The following CGGBP1 variants were observed in gnomAD, a reference collection of about 807,000 sequenced individuals.
CGGBP1 encodes CGG triplet repeat binding protein 1.
A neutral mutation model predicts 11.4 loss-of-function variants in CGGBP1; 4 were observed. The observed-to-expected ratio is 0.35, with a 90% CI of 0.17 to 0.80. The LOEUF is 0.80. CGGBP1 is among the 30% of genes least tolerant of loss of function. The probability of loss-of-function intolerance (pLI) is 0.52; values close to 1 mark genes in which losing one functional copy is unlikely to be tolerated. For missense variants in CGGBP1, 135 were observed against 202.1 expected (o/e 0.67, Z 2.01); for synonymous variants, 76 against 74.1 (o/e 1.03, Z -0.13).
At chr3:88,111,882 C>G (rs79690485) in intron 2 of CGGBP1, among the ~76,000 whole-genome samples, 2,013 of 151,932 alleles carry the variant, frequency 0.013, 37 homozygotes, top group African/African-American at 0.045. Flanking sequence ...GGCATTTAAT[C>G]TTTATAATTT....
chr3:88,133,151 C>T (rs114992491), intron 2 of CGGBP1, among the ~76,000 whole-genome samples: 1,649 of 152,180 alleles, frequency 0.011, 18 homozygotes, highest in African/African-American at 0.038. Context: ...ATCACTTTCC[C>T]GCCCCTGAAT....
chr3:88,135,230 TTTAAAA>T (rs1293509254), intron 2 of CGGBP1: 15 of 1,395,678 alleles, frequency 1.1e-5, no homozygotes, highest in Non-Finnish European at 1.2e-5. Flanking sequence ...GTCCCTTAAA[TTTAAAA>T]TTGAGTGACA....
At chr3:88,115,124 G>A (rs938551890) in intron 2 of CGGBP1, among the ~76,000 whole-genome samples, 4 of 152,138 alleles carry the variant, frequency 2.6e-5, no homozygotes, top group Non-Finnish European at 4.4e-5. Context: ...ATCACCTGGG[G>A]ATCTTGTTAA....
At chr3:88,112,826 T>A (rs1443320004) in intron 2 of CGGBP1, among the ~76,000 whole-genome samples, 1 of 152,082 alleles carries the variant, frequency 6.6e-6, no homozygotes, top group African/African-American at 2.4e-5. Context: ...TGTTGTGACC[T>A]TGTATGCCAT....
At chr3:88,141,654 G>GA in intron 1 of CGGBP1, 1 of 1,511,156 alleles carries the variant, frequency 6.6e-7, no homozygotes, top group Non-Finnish European at 9.0e-7. Context: ...GGTGCCTGAT[G>GA]AAAACGGTTC....
At chr3:88,110,279 C>T (rs904773443) in intron 2 of CGGBP1, among the ~76,000 whole-genome samples, 1 of 152,052 alleles carries the variant, frequency 6.6e-6, no homozygotes, top group East Asian at 1.9e-4. Context: ...ACAGCTAGAC[C>T]ATGGGTCTGT....
chr3:88,059,252 G>A, upstream of CGGBP1: 1 of 1,529,178 alleles, frequency 6.5e-7, no homozygotes, highest in Admixed American at 2.0e-5. Context: ...GGAGGAGGAG[G>A]TTAGCCTAGG....
At chr3:88,116,468 C>T (rs373394090) in intron 2 of CGGBP1, among the ~76,000 whole-genome samples, 1 of 151,026 alleles carries the variant, frequency 6.6e-6, no homozygotes, top group African/African-American at 2.4e-5. Context: ...TGCAGTGAGC[C>T]GAGATCACAC....
At chr3:88,093,317 G>A (rs1405308918) in intron 2 of CGGBP1, among the ~76,000 whole-genome samples, 2 of 152,158 alleles carry the variant, frequency 1.3e-5, no homozygotes, top group Admixed American at 1.3e-4. Context: ...GACTTTATAA[G>A]TTTTACATAA....
intron 2 of CGGBP1, chr3:88,140,311 G>A (rs779311075): frequency 2.5e-6 from 4 of 1,613,662 alleles, no homozygotes; most frequent in Non-Finnish European, 2.5e-6. Flanking sequence ...GCACAACCAA[G>A]TGAAACAATT....
chr3:88,123,239 A>G (rs1023613088), intron 2 of CGGBP1, among the ~76,000 whole-genome samples: 22 of 152,104 alleles, frequency 1.4e-4, no homozygotes, highest in Non-Finnish European at 2.5e-4. Flanking sequence ...AAATAGACCA[A>G]AATGAAATCT....
At chr3:88,117,708 C>G (rs1295773421) in intron 2 of CGGBP1, among the ~76,000 whole-genome samples, 1 of 151,960 alleles carries the variant, frequency 6.6e-6, no homozygotes, top group African/African-American at 2.4e-5. Flanking sequence ...AAAGCACACA[C>G]AATAATCTGG....
chr3:88,069,376 G>T (rs9864564), intron 2 of CGGBP1, among the ~76,000 whole-genome samples: 1 of 152,128 alleles, frequency 6.6e-6, no homozygotes, highest in Non-Finnish European at 1.5e-5. Context: ...GAGTCTAGAT[G>T]GCGCCGCTGC....
intron 2 of CGGBP1, chr3:88,086,206 G>T: frequency 1.4e-6 from 2 of 1,472,504 alleles, no homozygotes; most frequent in South Asian, 1.3e-5. Context: ...TTTTAAACTC[G>T]AGATGTTGAG....
chr3:88,099,883 G>C (rs185393686), intron 2 of CGGBP1, among the ~76,000 whole-genome samples: 12 of 152,084 alleles, frequency 7.9e-5, no homozygotes, highest in Admixed American at 3.9e-4. Flanking sequence ...AGAAGAAAAC[G>C]TAGGCAATAC....
At chr3:88,059,268 ACGGCGGCGG>A, upstream of CGGBP1, 1 of 1,531,674 alleles carries the variant, frequency 6.5e-7, no homozygotes, top group Non-Finnish European at 8.7e-7. Flanking sequence ...CTAGGCATCT[ACGGCGGCGG>A]CGGCGGCGCA....
chr3:88,110,541 A>G (rs1303922083), intron 2 of CGGBP1, among the ~76,000 whole-genome samples: 1 of 152,104 alleles, frequency 6.6e-6, no homozygotes, highest in African/African-American at 2.4e-5. Flanking sequence ...CTCATGTACT[A>G]TACAAAAACT....
intron 2 of CGGBP1, among the ~76,000 whole-genome samples, chr3:88,079,160 A>T (rs1261155291): frequency 6.6e-6 from 1 of 152,074 alleles, no homozygotes; most frequent in Non-Finnish European, 1.5e-5. Context: ...GGCTACATTA[A>T]TATTATCATC....
intron 2 of CGGBP1, chr3:88,126,373 T>A: frequency 8.5e-7 from 1 of 1,170,178 alleles, no homozygotes. Flanking sequence ...TTTATAATAC[T>A]GAATAATGGG....
Sources: allele counts gnomAD v4.1 joint callset (sites outside exome capture counted in the v4.1 genomes callset), GRCh38; gene constraint gnomAD v4.1.1; transcripts MANE v1.5; gene names NCBI Gene and HGNC (gene_info 2026-07-23, HGNC 2026-07-21).